The following CCDC73 variants were observed in gnomAD, a reference collection of about 807,000 sequenced individuals.
CCDC73 encodes the protein coiled-coil domain containing 73, also known as coiled-coil domain-containing protein 73.
In CCDC73, 95 loss-of-function variants were observed where a neutral mutation model predicts 116.5. The ratio of observed to expected loss-of-function variants is 0.82; its 90% CI spans 0.69 to 0.97. The LOEUF is 0.97. Among genes scored for constraint, CCDC73 ranks in the 50% least tolerant of loss-of-function variants. The pLI, the probability that CCDC73 is intolerant of heterozygous loss-of-function variation, is 0.00. For synonymous variants in CCDC73, 398 were observed against 401.3 expected (o/e 0.99, Z 0.10); for missense variants, 1,066 against 1,206.8 (o/e 0.88, Z 1.73).
chr11:32,637,032 T>TC (rs1233209269), intron 13 of CCDC73, among the ~76,000 whole-genome samples: 1 of 145,502 alleles, frequency 6.9e-6, no homozygotes, highest in African/African-American at 2.5e-5. Flanking sequence ...TTTTTTTTTT[T>TC]TTTTTGAGAA....
Position 32,708,479 on chromosome 11 carries a change from G to A in CCDC73, c.208-5535C>T, listed in dbSNP as rs368928985. Among the ~76,000 whole-genome samples, 17 of 152,246 alleles carry A rather than the reference G, an allele frequency of 1.1e-4. No individual in the cohort carries two copies. The South Asian group carries it at 3.3e-3, about 30-fold the overall frequency. On this transcript the variant is annotated intron_variant, in intron 3 of 17. Coordinates refer to ENST00000335185, the MANE Select transcript of CCDC73 (RefSeq NM_001008391.4). The stretch of plus-strand genomic sequence containing the variant: ...TTTTTATGGAAATTGCATTGAATTT[G>A]TGGATGCTTTTGGCAATATGGTCAT...
the CCDC73 span, among the ~76,000 whole-genome samples, chr11:32,801,295 C>T: frequency 4.7e-4 from 72 of 152,276 alleles, no homozygotes; most frequent in Non-Finnish European, 1.3e-4. Flanking sequence ...AGAGTTACTC[C>T]TAGAGCTGGA....
the CCDC73 span, among the ~76,000 whole-genome samples, chr11:32,807,376 G>T: frequency 6.6e-6 from 1 of 152,176 alleles, no homozygotes; most frequent in Non-Finnish European, 1.5e-5. Context: ...CTAGACCCAT[G>T]GAAAACATTC....
intron 1 of CCDC73, among the ~76,000 whole-genome samples, chr11:32,784,444 A>G (rs1312057317): frequency 6.6e-6 from 1 of 152,220 alleles, no homozygotes; most frequent in African/African-American, 2.4e-5. Context: ...TTATGTTATT[A>G]CTCTGCTGAT....
intron 17 of CCDC73, among the ~76,000 whole-genome samples, chr11:32,607,940 CT>C (rs935264007): frequency 2.0e-5 from 3 of 152,176 alleles, no homozygotes; most frequent in African/African-American, 7.2e-5. Context: ...GCAACTCCCA[CT>C]TTTAAAGCCA....
rs192508649 is a variant in CCDC73, at chr11:32,703,358, A to G, written c.208-414T>C. On this transcript the variant is annotated intron_variant, in intron 3 of 17. Transcript: ENST00000335185. ...CACTTCGGCCTCCCAAAATGCTAGG[A>G]TTACAGGCATGAGCCACTGTACCCA... Among the ~76,000 whole-genome samples, 1,162 of 152,204 alleles carry G rather than the reference A, an allele frequency of 7.6e-3. 12 individuals are homozygous for G. The highest frequency in any genetic ancestry group is 0.026 in the African/African-American group (1,079 of 41,520).
chr11:32,778,734 C>T lies in CCDC73; in HGVS notation c.-16+15879G>A, dbSNP rs113650061. Among the ~76,000 whole-genome samples the T allele has an allele frequency of 4.1e-3, 622 of 152,066 alleles. 5 individuals carry two copies. The Middle Eastern group carries it at 0.058, about 14-fold the overall frequency. On this transcript the variant is annotated intron_variant, in intron 1 of 17. Transcript: ENST00000335185. Reference sequence around the variant, plus strand: ...GGCTAAGGCAGGAGAATTGCTTGAACCTTGCAGTCAGCTGAGATCATGCCA... The same window carrying T: ...GGCTAAGGCAGGAGAATTGCTTGAATCTTGCAGTCAGCTGAGATCATGCCA...
At chr11:32,796,960 C>T (rs547312374), upstream of CCDC73, among the ~76,000 whole-genome samples, 131 of 140,536 alleles carry the variant, frequency 9.3e-4, 1 homozygote, top group African/African-American at 2.9e-3. Context: ...TGCAGTGAGC[C>T]GAGATCACAC....
At chr11:32,669,433 T>C (rs1336369221) in intron 9 of CCDC73, among the ~76,000 whole-genome samples, 2 of 152,192 alleles carry the variant, frequency 1.3e-5, no homozygotes, top group African/African-American at 4.8e-5. Context: ...GGGGTACCCA[T>C]CCCCTGAAGG....
chr11:32,679,583 C>T (rs565628978), intron 7 of CCDC73, among the ~76,000 whole-genome samples: 2 of 152,176 alleles, frequency 1.3e-5, no homozygotes, highest in Non-Finnish European at 2.9e-5. Context: ...AGGCTGGCCT[C>T]GAACTCCTGA....
chr11:32,700,373 C>T (rs1486794753), intron 5 of CCDC73, among the ~76,000 whole-genome samples: 2 of 152,216 alleles, frequency 1.3e-5, no homozygotes, highest in African/African-American at 4.8e-5. Context: ...AGTTGGTCTG[C>T]ACCCAGTTGC....
At chr11:32,763,192 G>C (rs1705117180) in intron 1 of CCDC73, among the ~76,000 whole-genome samples, 1 of 152,222 alleles carries the variant, frequency 6.6e-6, no homozygotes, top group South Asian at 2.1e-4. Context: ...CCGAACAAAA[G>C]GCAGCAGCAA....
chr11:32,697,354 G>T lies in CCDC73; in HGVS notation c.390+1897C>A, dbSNP rs116182032. On this transcript the variant is annotated intron_variant, in intron 6 of 17. Coordinates refer to ENST00000335185, the MANE Select transcript of CCDC73 (RefSeq NM_001008391.4). The stretch of plus-strand genomic sequence containing the variant: ...CTAGTATAATAATTCAATAACATAA[G>T]CTAATATATGGTCATATTCAAATAT... Among the ~76,000 whole-genome samples, 1,088 of 151,510 alleles carry T rather than the reference G, an allele frequency of 7.2e-3. 17 individuals are homozygous for T. The highest frequency in any genetic ancestry group is 0.025 in the African/African-American group (1,049 of 41,274).
At chr11:32,662,718 T>C (rs918026552) in intron 9 of CCDC73, among the ~76,000 whole-genome samples, 3 of 152,228 alleles carry the variant, frequency 2.0e-5, no homozygotes, top group African/African-American at 7.2e-5. Context: ...AATGTTGGCT[T>C]TTGTTGCCAT....
At chr11:32,821,398 T>C in the CCDC73 span, among the ~76,000 whole-genome samples, 7 of 152,304 alleles carry the variant, frequency 4.6e-5, no homozygotes, top group East Asian at 1.3e-3. Flanking sequence ...TCTTCAGAGG[T>C]CATTTTTAAA....
At position 32,755,842 on chromosome 11, in the gene CCDC73, CAT is replaced by C. The variant is rs1284073788; in HGVS notation, c.135+4265_135+4266del. 4.1e-5 allele frequency among the ~76,000 whole-genome samples: 5 copies of C among 122,682 alleles called. 1 individual carries two copies. The highest frequency in any genetic ancestry group is 2.6e-4 in the Admixed American group (3 of 11,344). The allele number at this position is 122,682 out of a possible 152,430, so 80.5% of individuals were successfully genotyped here. On this transcript the variant is annotated intron_variant, in intron 2 of 17. Coordinates refer to ENST00000335185, the MANE Select transcript of CCDC73 (RefSeq NM_001008391.4). ...ATATATATGTGTGTGTATATATCTCCATATATATGTGTGTGTATATATCTCCA... is the reference window on the plus strand; with the variant it reads ...ATATATATGTGTGTGTATATATCTCCATATATGTGTGTGTATATATCTCCA...
At chr11:32,724,321 C>A (rs566981870) in intron 2 of CCDC73, among the ~76,000 whole-genome samples, 2 of 152,126 alleles carry the variant, frequency 1.3e-5, no homozygotes, top group African/African-American at 4.8e-5. Context: ...TCTGAACTAC[C>A]CTAATACTTT....
At chr11:32,821,503 A>G in the CCDC73 span, among the ~76,000 whole-genome samples, 1 of 152,174 alleles carries the variant, frequency 6.6e-6, no homozygotes, top group Non-Finnish European at 1.5e-5. Flanking sequence ...ATGTCTTACA[A>G]AGGCACAAAT....
chr11:32,665,856 A>G (rs996798093), intron 9 of CCDC73, among the ~76,000 whole-genome samples: 10 of 152,232 alleles, frequency 6.6e-5, no homozygotes, highest in African/African-American at 1.9e-4. Context: ...CAGGCCTGGT[A>G]GTGACAAAAT....
Sources: gnomAD v4.1 joint callset for allele counts (sites outside exome capture counted in the v4.1 genomes callset) on GRCh38, gnomAD v4.1.1 for gene constraint, MANE v1.5 for transcripts, NCBI Gene and HGNC (gene_info 2026-07-23, HGNC 2026-07-21) for gene names.